Variants in OPCML observed in about 807,000 individuals in gnomAD.
OPCML encodes the protein opioid binding protein/cell adhesion molecule like, also known as opioid-binding protein/cell adhesion molecule.
Under a neutral mutation model 37.8 loss-of-function variants are expected in OPCML, and 13 were observed. The observed-to-expected ratio is 0.34, with a 90% CI of 0.22 to 0.55. The LOEUF (loss-of-function observed/expected upper bound fraction) is 0.55, where lower values mean the gene tolerates loss of function less well. Ranked by LOEUF, OPCML falls within the 20% of genes least tolerant of loss-of-function variation. The pLI, the probability that OPCML is intolerant of heterozygous loss-of-function variation, is 0.91. For missense variants in OPCML, 341 were observed against 435.6 expected, an observed-to-expected ratio of 0.78 and a Z score of 1.93; for synonymous variants, 176 against 168.8, an observed-to-expected ratio of 1.04 and a Z score of -0.33.
At chr11:133,097,872 A>C (rs576034454) in intron 1 of OPCML, among the ~76,000 whole-genome samples, 1 of 152,342 alleles carries the variant, frequency 6.6e-6, no homozygotes, top group East Asian at 1.9e-4. Flanking sequence ...TAAATAGTTA[A>C]TAGTTTAATA....
chr11:133,082,924 G>A (rs1039612740), intron 1 of OPCML, among the ~76,000 whole-genome samples: 3 of 150,412 alleles, frequency 2.0e-5, no homozygotes, highest in Admixed American at 2.0e-4. Context: ...GGGGCGCCAG[G>A]GGCCGGGGCG....
At position 132,807,704 on chromosome 11, in the gene OPCML, G is replaced by T. The variant is rs1939097279; in HGVS notation, c.146+135222C>A. ...TCAAGGAATCATAGCTATAAAACGG[G>T]AGGTCAGACTGCAAGTACCATTCTT... On this transcript the variant is annotated intron_variant, in intron 2 of 7. Coordinates refer to ENST00000524381, the MANE Select transcript of OPCML (RefSeq NM_001012393.5). 1.3e-5 allele frequency among the ~76,000 whole-genome samples: 2 copies of T among 152,126 alleles called. 1 individual carries two copies. The highest frequency in any genetic ancestry group is 4.1e-4 in the South Asian group (2 of 4,832).
chr11:133,182,505 T>C lies in OPCML; in HGVS notation c.62-239495A>G, dbSNP rs529835435. 2.6e-4 allele frequency among the ~76,000 whole-genome samples: 39 copies of C among 152,232 alleles called. No individual in the cohort carries two copies. In the South Asian group the frequency reaches 8.1e-3, roughly 32 times the overall value. ...TGACAGGAAAAAAAGGAAGAGACAA[T>C]TCTGGTGCTAAAGAAAGCAGCCGCC... is the stretch of plus-strand genomic sequence containing the variant. On this transcript the variant is annotated intron_variant, in intron 1 of 7. Coordinates refer to ENST00000524381, the MANE Select transcript of OPCML (RefSeq NM_001012393.5).
intron 2 of OPCML, among the ~76,000 whole-genome samples, chr11:132,865,570 T>A (rs1298911850): frequency 6.6e-6 from 1 of 152,196 alleles, no homozygotes; most frequent in Non-Finnish European, 1.5e-5. Flanking sequence ...TCCAGCTTAC[T>A]GTTTAGAAAG....
intron 1 of OPCML, among the ~76,000 whole-genome samples, chr11:133,456,293 C>T (rs1168151363): frequency 6.6e-6 from 1 of 152,132 alleles, no homozygotes; most frequent in East Asian, 1.9e-4. Flanking sequence ...ATTTTTAAAT[C>T]TCACACAGGT....
intron 1 of OPCML, among the ~76,000 whole-genome samples, chr11:133,359,263 G>A (rs557130128): frequency 2.0e-5 from 3 of 152,164 alleles, no homozygotes; most frequent in South Asian, 2.1e-4. Flanking sequence ...TTCTCCAGCC[G>A]TACTCATCAA....
At chr11:133,103,722 C>T (rs974438102) in intron 1 of OPCML, among the ~76,000 whole-genome samples, 5 of 152,200 alleles carry the variant, frequency 3.3e-5, no homozygotes, top group African/African-American at 1.2e-4. Context: ...TACCTACAGG[C>T]CTTCCTAGCA....
chr11:133,274,620 G>A (rs1941941179), intron 1 of OPCML, among the ~76,000 whole-genome samples: 1 of 152,166 alleles, frequency 6.6e-6, no homozygotes, highest in African/African-American at 2.4e-5. Context: ...ACTTTGTTAT[G>A]GGAGCCCTGG....
At chr11:133,234,327 C>T (rs1940419741) in intron 1 of OPCML, among the ~76,000 whole-genome samples, 1 of 152,200 alleles carries the variant, frequency 6.6e-6, no homozygotes, top group Non-Finnish European at 1.5e-5. Context: ...CTGGAAATGG[C>T]CCTAAAACCT....
chr11:133,319,039 T>A (rs1943269694), intron 1 of OPCML, among the ~76,000 whole-genome samples: 1 of 151,956 alleles, frequency 6.6e-6, no homozygotes, highest in South Asian at 2.1e-4. Context: ...AAAATAAAAA[T>A]AAAATAAAAT....
Position 133,207,019 on chromosome 11 carries a change from G to A in OPCML, c.62-264009C>T, listed in dbSNP as rs1300919856. On this transcript the variant is annotated intron_variant, in intron 1 of 7. Transcript: ENST00000524381. The stretch of plus-strand genomic sequence containing the variant: ...TCTCCTTCTAAGAGCCGGGCGCGGT[G>A]GCTCACGCCTGTAATCCCAGCACTT... 2.0e-5 allele frequency among the ~76,000 whole-genome samples: 3 copies of A among 151,910 alleles called. No individual in the cohort carries two copies. In the East Asian group the frequency reaches 5.8e-4, roughly 30 times the overall value.
At position 133,173,238 on chromosome 11, in the gene OPCML, A is replaced by G. The variant is rs1320869263; in HGVS notation, c.62-230228T>C. Among the ~76,000 whole-genome samples the G allele has an allele frequency of 6.6e-6, 1 of 152,244 alleles. No homozygotes were observed. The highest frequency in any genetic ancestry group is 2.4e-5 in the African/African-American group (1 of 41,462). ...TTCAAATATTAGAAATAGTCCACAT[A>G]ACTGTGAAGCATTTCTCAGAATGTT... On this transcript the variant is annotated intron_variant, in intron 1 of 7. Coordinates refer to ENST00000524381, the MANE Select transcript of OPCML (RefSeq NM_001012393.5). This position sits in a 1 kb window ranked among gnomAD's most constrained non-coding sequence, Gnocchi z 7.8.
intron 1 of OPCML, among the ~76,000 whole-genome samples, chr11:133,440,780 ATC>A (rs1298767776): frequency 2.2e-4 from 24 of 108,018 alleles, no homozygotes; most frequent in African/African-American, 1.6e-3. Context: ...ATATATATAT[ATC>A]TGTGTGTGTG....
intron 2 of OPCML, among the ~76,000 whole-genome samples, chr11:132,857,272 T>A (rs762663889): frequency 6.6e-6 from 1 of 152,252 alleles, no homozygotes; most frequent in Non-Finnish European, 1.5e-5. Flanking sequence ...GCCATTTGTA[T>A]ATCTTCCATG....
At chr11:132,877,382 A>T (rs1408087821) in intron 2 of OPCML, among the ~76,000 whole-genome samples, 12 of 152,208 alleles carry the variant, frequency 7.9e-5, no homozygotes, top group Admixed American at 7.9e-4. Flanking sequence ...CATGGTATCA[A>T]TAAACTTATC....
intron 2 of OPCML, among the ~76,000 whole-genome samples, chr11:132,833,164 C>CT: frequency 6.6e-6 from 1 of 152,286 alleles, no homozygotes; most frequent in East Asian, 1.9e-4. Flanking sequence ...AATTTTTTAA[C>CT]TTTTTTGTAA....
At chr11:132,526,082 C>T (rs2096307632) in intron 4 of OPCML, among the ~76,000 whole-genome samples, 1 of 152,108 alleles carries the variant, frequency 6.6e-6, no homozygotes, top group Non-Finnish European at 1.5e-5. Flanking sequence ...GCAACTATTA[C>T]ACTCTGTAAA....
intron 1 of OPCML, chr11:133,366,149 C>T (rs1352099154): frequency 6.6e-6 from 1 of 152,244 alleles, no homozygotes; most frequent in East Asian, 1.9e-4. Context: ...TTACCACCTC[C>T]TTCCTCTTTT....
chr11:133,290,505 T>TAGTAAGTGTGGCAGCAGAAA (rs991240564), intron 1 of OPCML, among the ~76,000 whole-genome samples: 5 of 152,126 alleles, frequency 3.3e-5, no homozygotes, highest in African/African-American at 1.2e-4. Flanking sequence ...TGGGATGTGA[T>TAGTAAGTGTGGCAGCAGAAA]AGTAAGTGTG....
Sources: allele counts gnomAD v4.1 joint callset (sites outside exome capture counted in the v4.1 genomes callset), GRCh38; gene constraint gnomAD v4.1.1; non-coding constraint Gnocchi (gnomAD v3.1); transcripts MANE v1.5; gene names NCBI Gene and HGNC (gene_info 2026-07-23, HGNC 2026-07-21).